DCK: variants seen among roughly 807,000 people sequenced by gnomAD.
DCK encodes deoxycytidine kinase.
Under a neutral mutation model 38.3 loss-of-function variants are expected in DCK, and 23 were observed. The observed-to-expected ratio is 0.60, with a 90% CI of 0.43 to 0.85. The LOEUF is 0.85. Ranked by LOEUF, DCK falls within the 40% of genes least tolerant of loss-of-function variation. The pLI is 0.00. For missense variants in DCK, 259 were observed against 304.4 expected (o/e 0.85, Z 1.11); for synonymous variants, 108 against 100.6 (o/e 1.07, Z -0.44).
chr4:71,018,407 C>T (rs575020356), intron 2 of DCK, among the ~76,000 whole-genome samples: 3 of 152,138 alleles, frequency 2.0e-5, no homozygotes, highest in East Asian at 1.9e-4. Flanking sequence ...GGATCACAGG[C>T]GTGAGCCACT....
chr4:71,005,999 G>A (rs1160773258), intron 2 of DCK, among the ~76,000 whole-genome samples: 15 of 149,810 alleles, frequency 1.0e-4, no homozygotes, highest in Non-Finnish European at 1.6e-4. Flanking sequence ...GGTGGTGGGC[G>A]CCTGTAATCC....
At chr4:71,001,984 G>T (rs1739813872) in intron 2 of DCK, among the ~76,000 whole-genome samples, 2 of 152,066 alleles carry the variant, frequency 1.3e-5, no homozygotes, top group African/African-American at 4.8e-5. Context: ...GTTCTGCTCT[G>T]ATCTTAGTTA....
chr4:71,020,267 G>C (rs1173540737), intron 2 of DCK, among the ~76,000 whole-genome samples: 1 of 152,198 alleles, frequency 6.6e-6, no homozygotes, highest in African/African-American at 2.4e-5. Context: ...TATAGGTAGA[G>C]ACAGGCTTGA....
In DCK at chr4:71,020,902, A is replaced by G. The variant is rs1028073919; in HGVS notation, c.208-1465A>G. Reference sequence around the variant, plus strand: ...TTTTCTTCCCCAGATTTAGAATCAGAATTCTAATTCCTTTCAGTGGGAAAT... The same window carrying G: ...TTTTCTTCCCCAGATTTAGAATCAGGATTCTAATTCCTTTCAGTGGGAAAT... On this transcript the variant is annotated intron_variant, in intron 2 of 6. Coordinates refer to ENST00000286648, the MANE Select transcript of DCK (RefSeq NM_000788.3). 8.2e-4 allele frequency among the ~76,000 whole-genome samples: 125 copies of G among 152,102 alleles called. 1 individual carries two copies. The highest frequency in any genetic ancestry group is 2.8e-4 in the Non-Finnish European group (19 of 68,016).
At chr4:71,028,865 C>G (rs1740611950) in intron 6 of DCK, 1 of 273,894 alleles carries the variant, frequency 3.7e-6, no homozygotes, top group African/African-American at 2.3e-5. Context: ...TCAAGCGATT[C>G]TTCTGCCTTG....
chr4:71,027,756 ATAC>A (rs1740578115), intron 6 of DCK, among the ~76,000 whole-genome samples: 1 of 152,166 alleles, frequency 6.6e-6, no homozygotes, highest in African/African-American at 2.4e-5. Context: ...TGACCTCTTC[ATAC>A]TACTAATGAT....
intron 2 of DCK, among the ~76,000 whole-genome samples, chr4:71,016,628 C>T (rs976593921): frequency 6.6e-6 from 1 of 152,108 alleles, no homozygotes; most frequent in African/African-American, 2.4e-5. Context: ...GAAATAATAC[C>T]ACACATCTAC....
intron 6 of DCK, among the ~76,000 whole-genome samples, chr4:71,028,183 G>A (rs1322636777): frequency 1.3e-5 from 2 of 152,200 alleles, no homozygotes; most frequent in African/African-American, 4.8e-5. Flanking sequence ...TTTCAAAGTT[G>A]CTTGAACTAT....
chr4:71,029,009 G>A (rs200575812), intron 6 of DCK, among the ~76,000 whole-genome samples: 2 of 152,064 alleles, frequency 1.3e-5, no homozygotes, highest in African/African-American at 2.4e-5. Context: ...TGCCCGCCTC[G>A]GCCTCCCAAA....
intron 1 of DCK, 155 bp downstream of exon 1, chr4:70,994,081 C>T: frequency 1.5e-6 from 1 of 659,328 alleles, no homozygotes; most frequent in Non-Finnish European, 2.7e-6. Flanking sequence ...CCACCCAGAG[C>T]ATCCTTCCCT....
At chr4:71,028,878 C>T (rs1376772019) in intron 6 of DCK, among the ~76,000 whole-genome samples, 2 of 152,206 alleles carry the variant, frequency 1.3e-5, no homozygotes, top group Admixed American at 1.3e-4. Context: ...CTGCCTTGGC[C>T]TCCCTAGTAG....
chr4:71,024,169 A>G (rs955397682), intron 4 of DCK, among the ~76,000 whole-genome samples: 2 of 152,240 alleles, frequency 1.3e-5, no homozygotes, highest in South Asian at 4.1e-4. Context: ...GGCAATGTTG[A>G]TGGAGGTCCA....
At chr4:71,022,318 T>G (rs377737642) in intron 2 of DCK, 49 bp from the exon 3 acceptor site, 134 of 1,063,090 alleles carry the variant, frequency 1.3e-4, no homozygotes, top group Non-Finnish European at 1.8e-4. Flanking sequence ...AAAATAGCCC[T>G]ATTGACCATT....
At chr4:71,018,350 G>C (rs559038461) in intron 2 of DCK, among the ~76,000 whole-genome samples, 32 of 152,006 alleles carry the variant, frequency 2.1e-4, no homozygotes, top group Non-Finnish European at 4.6e-4. Context: ...GGATGGTCTC[G>C]ATCTCCTGAC....
intron 2 of DCK, among the ~76,000 whole-genome samples, chr4:71,013,815 G>A (rs890670767): frequency 6.6e-6 from 1 of 152,180 alleles, no homozygotes; most frequent in Non-Finnish European, 1.5e-5. Flanking sequence ...ATGCCAAATT[G>A]TAAAGACCAT....
At chr4:70,998,025 C>A in intron 1 of DCK, 42 bp from the exon 2 acceptor site, 1 of 1,076,206 alleles carries the variant, frequency 9.3e-7, no homozygotes, top group Non-Finnish European at 1.4e-6. Flanking sequence ...TCTTTTTTTC[C>A]TGACAACTTT....
At chr4:70,997,419 C>T (rs567718042) in intron 1 of DCK, among the ~76,000 whole-genome samples, 3 of 152,316 alleles carry the variant, frequency 2.0e-5, no homozygotes, top group African/African-American at 7.2e-5. Flanking sequence ...TTTCTCCTCT[C>T]CTCTGGATAC....
At chr4:71,003,128 A>G (rs189381424) in intron 2 of DCK, among the ~76,000 whole-genome samples, 1 of 152,206 alleles carries the variant, frequency 6.6e-6, no homozygotes, top group African/African-American at 2.4e-5. Flanking sequence ...TGCTTCCTTC[A>G]GGAGCTCTTG....
intron 6 of DCK, among the ~76,000 whole-genome samples, chr4:71,027,693 C>G (rs1332671045): frequency 2.6e-5 from 4 of 152,100 alleles, no homozygotes; most frequent in Non-Finnish European, 4.4e-5. Flanking sequence ...GTAGCGTATA[C>G]ATGTAGTTGT....
Sources: allele counts gnomAD v4.1 joint callset (sites outside exome capture counted in the v4.1 genomes callset), GRCh38; gene constraint gnomAD v4.1.1; transcripts MANE v1.5; gene names NCBI Gene and HGNC (gene_info 2026-07-23, HGNC 2026-07-21).